Variants in DPYD observed in about 807,000 individuals in gnomAD.
The protein encoded by DPYD is dihydropyrimidine dehydrogenase [NADP(+)].
Under a neutral mutation model 116.2 loss-of-function variants are expected in DPYD, and 109 were observed. The observed-to-expected ratio is 0.94, with a 90% confidence interval of 0.80 to 1.10. DPYD has a LOEUF of 1.10. Ranked by LOEUF, DPYD falls within the 50% of genes least tolerant of loss-of-function variation. The probability of loss-of-function intolerance (pLI) is 0.00; values close to 1 mark genes in which losing one functional copy is unlikely to be tolerated. For missense variants in DPYD, 1,302 were observed against 1,254.5 expected (o/e 1.04, Z -0.57); for synonymous variants, 440 against 432.0 (o/e 1.02, Z -0.23).
At chr1:97,440,686 T>C (rs931525061) in intron 14 of DPYD, among the ~76,000 whole-genome samples, 5 of 152,160 alleles carry the variant, frequency 3.3e-5, no homozygotes, top group African/African-American at 9.6e-5. Context: ...GCTTTATGTA[T>C]GCTATAACCC....
intron 21 of DPYD, chr1:97,096,091 A>C (rs1650228985): frequency 6.6e-6 from 1 of 152,200 alleles, no homozygotes; most frequent in Non-Finnish European, 1.5e-5. Context: ...GAGGAACATA[A>C]ACTTGCACTA....
chr1:97,315,167 T>G (rs1667745260), intron 16 of DPYD, among the ~76,000 whole-genome samples: 1 of 151,948 alleles, frequency 6.6e-6, no homozygotes, highest in South Asian at 2.1e-4. Context: ...GACACAGACA[T>G]GAACCACTCG....
At chr1:97,782,084 T>G (rs1225342909) in intron 3 of DPYD, among the ~76,000 whole-genome samples, 1 of 152,214 alleles carries the variant, frequency 6.6e-6, no homozygotes, top group Non-Finnish European at 1.5e-5. Context: ...AAGGTAACCA[T>G]GTAGGGACAG....
At chr1:97,154,504 C>T (rs1252769351) in intron 20 of DPYD, among the ~76,000 whole-genome samples, 2 of 151,928 alleles carry the variant, frequency 1.3e-5, no homozygotes, top group African/African-American at 2.4e-5. Flanking sequence ...CGACTGTAAT[C>T]CCAGCACTTT....
chr1:97,589,768 C>A (rs1654379339), intron 10 of DPYD, among the ~76,000 whole-genome samples: 4 of 152,118 alleles, frequency 2.6e-5, no homozygotes, highest in Admixed American at 2.6e-4. Context: ...AATGGTGAGG[C>A]ATTTTACTGA....
Position 97,552,810 on chromosome 1 carries a change from C to T in DPYD, c.1340-3066G>A, listed in dbSNP as rs1027160093. 6.6e-5 allele frequency among the ~76,000 whole-genome samples: 10 copies of T among 151,924 alleles called. No individual in the cohort carries two copies. In the South Asian group the frequency reaches 8.3e-4, roughly 13 times the overall value. On this transcript the variant is annotated intron_variant, in intron 11 of 22. Transcript: ENST00000370192. ...TCAGTCTCCTTTTGAAAATTAACTA[C>T]CAAATTTCCTCCTGCTCATTTTGGA...
At chr1:97,717,049 CA>C (rs1353208683) in intron 5 of DPYD, among the ~76,000 whole-genome samples, 2 of 151,954 alleles carry the variant, frequency 1.3e-5, no homozygotes, top group East Asian at 3.9e-4. Context: ...AGATATCCAA[CA>C]CTTCAAGCAT....
chr1:97,881,295 G>T (rs1038144071), intron 2 of DPYD, among the ~76,000 whole-genome samples: 2 of 151,938 alleles, frequency 1.3e-5, no homozygotes, highest in Non-Finnish European at 2.9e-5. Context: ...AAAACTCAGG[G>T]AGAAGACACC....
chr1:97,656,525 T>C (rs1354033148), intron 8 of DPYD, among the ~76,000 whole-genome samples: 2 of 152,194 alleles, frequency 1.3e-5, no homozygotes, highest in African/African-American at 4.8e-5. Context: ...TCCAGTCTGG[T>C]TAAGGATTTA....
intron 12 of DPYD, among the ~76,000 whole-genome samples, chr1:97,521,859 C>T (rs965949381): frequency 7.2e-5 from 11 of 152,064 alleles, no homozygotes; most frequent in Non-Finnish European, 1.6e-4. Flanking sequence ...TAGCCATATG[C>T]CGAAAACTGA....
Position 97,694,468 on chromosome 1 carries a change from C to G in DPYD, c.681-2670G>C, listed in dbSNP as rs765644312. On this transcript the variant is annotated intron_variant, in intron 6 of 22. Coordinates refer to ENST00000370192, the MANE Select transcript of DPYD (RefSeq NM_000110.4). ...AGTGGGTAGGGGAAATGTCTTAGGA[C>G]TTTAAAATATCATCAGTGTATGATG... Among the ~76,000 whole-genome samples the G allele has an allele frequency of 2.6e-5, 4 of 152,142 alleles. No homozygotes were observed. In the East Asian group the frequency reaches 7.7e-4, roughly 29 times the overall value.
chr1:97,627,907 C>T (rs1012457910), intron 8 of DPYD, among the ~76,000 whole-genome samples: 1 of 151,886 alleles, frequency 6.6e-6, no homozygotes. Flanking sequence ...TTATAAAGGG[C>T]CTTTTGAGCC....
chr1:97,739,000 G>T (rs1456319758), intron 4 of DPYD, among the ~76,000 whole-genome samples: 2 of 151,916 alleles, frequency 1.3e-5, no homozygotes, highest in Non-Finnish European at 2.9e-5. Flanking sequence ...TGAAAAAATT[G>T]GGGTAGCATG....
At chr1:97,518,244 T>C (rs1570885102) in intron 12 of DPYD, among the ~76,000 whole-genome samples, 1 of 152,062 alleles carries the variant, frequency 6.6e-6, no homozygotes, top group East Asian at 1.9e-4. Flanking sequence ...TTCTTATATA[T>C]TTTTTCTTTT....
rs116941791 is a variant in DPYD at position 97,423,547 on chromosome 1, G to A, written c.1905+26512C>T. ...AGCTGACATAGTACCCTGGTGACCCGAATGAGTTAATGCATTGTCCTAAAG... is the reference window on the plus strand; with the variant it reads ...AGCTGACATAGTACCCTGGTGACCCAAATGAGTTAATGCATTGTCCTAAAG... On this transcript the variant is annotated intron_variant, in intron 14 of 22. Transcript: ENST00000370192. Among the ~76,000 whole-genome samples the A allele has an allele frequency of 3.3e-5, 5 of 152,168 alleles. 1 individual carries two copies. Among genetic ancestry groups the A allele is most frequent in the South Asian group, 4.1e-4 (2 of 4,820 alleles).
At chr1:97,511,060 G>C (rs1053204723) in intron 13 of DPYD, among the ~76,000 whole-genome samples, 10 of 151,968 alleles carry the variant, frequency 6.6e-5, no homozygotes, top group East Asian at 2.0e-4. Flanking sequence ...ACAACCAACT[G>C]TAAATGCATG....
intron 16 of DPYD, among the ~76,000 whole-genome samples, chr1:97,323,724 A>G (rs1668552885): frequency 6.8e-6 from 1 of 147,642 alleles, no homozygotes; most frequent in African/African-American, 2.5e-5. Flanking sequence ...ACACACACAT[A>G]TATATACATA....
chr1:97,865,177 A>G (rs1671315464), intron 2 of DPYD, among the ~76,000 whole-genome samples: 1 of 151,854 alleles, frequency 6.6e-6, no homozygotes, highest in African/African-American at 2.4e-5. Flanking sequence ...TTGGTCAGGT[A>G]AAGACTTGTC....
intron 2 of DPYD, among the ~76,000 whole-genome samples, chr1:97,834,909 T>A (rs1015975193): frequency 4.6e-5 from 7 of 152,034 alleles, no homozygotes; most frequent in African/African-American, 1.4e-4. Context: ...ATATTCATAT[T>A]TTTTTAATTC....
Sources: allele counts gnomAD v4.1 joint callset (sites outside exome capture counted in the v4.1 genomes callset), GRCh38; gene constraint gnomAD v4.1.1; transcripts MANE v1.5; gene names NCBI Gene and HGNC (gene_info 2026-07-23, HGNC 2026-07-21).